Variants in ZNF230 observed in about 807,000 individuals in gnomAD.
The protein encoded by ZNF230 is zinc finger protein FDZF2.
A neutral mutation model predicts 10.0 loss-of-function variants in ZNF230; 12 were observed. The ratio of observed to expected loss-of-function variants is 1.20; its 90% CI spans 0.77 to 1.95. The LOEUF (loss-of-function observed/expected upper bound fraction) is 1.95. Ranked by LOEUF, ZNF230 falls within the 30% of genes most tolerant of loss-of-function variation. The pLI is 0.00. For missense variants in ZNF230, 532 were observed against 565.8 expected (o/e 0.94, Z 0.61); for synonymous variants, 174 against 193.6 (o/e 0.90, Z 0.84).
chr19:44,004,736 A>AC (rs1976106630), intron 1 of ZNF230: 1 of 151,572 alleles, frequency 6.6e-6, no homozygotes, highest in South Asian at 2.1e-4. Flanking sequence ...AAAAAAAAAA[A>AC]AAAAAAAAAG....
At chr19:44,007,515 C>G (rs1976134704) in intron 2 of ZNF230, among the ~76,000 whole-genome samples, 1 of 152,152 alleles carries the variant, frequency 6.6e-6, no homozygotes, top group Admixed American at 6.5e-5. Context: ...GTCCCCCTTT[C>G]TGTGGAGGCC....
At position 44,013,231 on chromosome 19, in the gene ZNF230, C is replaced by A. The variant is rs1234446520; in HGVS notation, c.*1767C>A. The stretch of plus-strand genomic sequence containing the variant: ...TCAAACAACTCAGGTAGAAGCTATG[C>A]CAATTTGACAATTTTTGGAAACCTA... On this transcript the variant is annotated 3_prime_UTR_variant, in exon 5 of 5. Coordinates refer to ENST00000429154, the MANE Select transcript of ZNF230 (RefSeq NM_006300.4). 6.6e-6 allele frequency: 1 copy of A among 152,124 alleles called. No individual in the cohort carries two copies. The highest frequency in any genetic ancestry group is 6.5e-5 in the Admixed American group (1 of 15,270). 9.4% of individuals were successfully genotyped at this position (152,124 alleles called of 1,614,324 possible). A position where few individuals can be genotyped will look rare whatever the true frequency, so the allele number is the denominator to read the frequency against.
intron 1 of ZNF230, chr19:44,003,743 C>G (rs1568496140): frequency 4.7e-6 from 1 of 214,962 alleles, no homozygotes; most frequent in African/African-American, 2.3e-5. Context: ...GGGCAAATCT[C>G]TATGTGATTG....
At chr19:44,007,232 C>G in intron 2 of ZNF230, 139 bp downstream of exon 2, 1 of 742,704 alleles carries the variant, frequency 1.3e-6, no homozygotes, top group Non-Finnish European at 2.0e-6. Flanking sequence ...TCCTTTGTCT[C>G]TTTTGTGTTG....
rs746621912 is a variant in ZNF230 at position 44,011,246 on chromosome 19, C to G, written c.1207C>G (p.Arg403Gly). ...NCKECGKSFS[R>G]ASSILNHKKL... ...TAAGGAATGTGGGAAGAGCTTTAGC[C>G]GGGCTTCAAGTATTTTGAATCATAA... The change falls in exon 5 of 5, where the codon CGG becomes GGG. Residue 403 changes from arginine (R) to glycine (G), a missense_variant. Arg to Gly is a moderately radical substitution (Grantham distance 125). Coordinates refer to ENST00000429154, the MANE Select transcript of ZNF230 (RefSeq NM_006300.4). 1.2e-6 allele frequency: 2 copies of G among 1,613,928 alleles called. No homozygotes were observed. Among genetic ancestry groups the G allele is most frequent in the African/African-American group, 2.7e-5 (2 of 74,896 alleles).
Position 44,010,307 on chromosome 19 carries a change from T to G in ZNF230, c.268T>G (p.Cys90Gly). 2 of 1,613,494 alleles carry G rather than the reference T, an allele frequency of 1.2e-6. No individual in the cohort carries two copies. Among genetic ancestry groups the G allele is most frequent in the Non-Finnish European group, 1.7e-6 (2 of 1,179,570 alleles). Residue 90 changes from cysteine (C) to glycine (G), a missense_variant, in exon 5 of 5, where the codon TGC (cysteine) becomes GGC (glycine). Transcript: ENST00000429154. ...TIAEAGPHED[C>G]PCQQIWEQTA... is the part of the protein sequence containing the mutation. ...TGCGGAAGCAGGACCACATGAAGAC[T>G]GCCCTTGCCAGCAAATCTGGGAACA... is the stretch of plus-strand genomic sequence containing the variant.
rs199508101 is a variant in ZNF230, at chr19:44,010,875, C to A, written c.836C>A (p.Pro279Gln). 4 of 1,614,044 alleles carry A rather than the reference C, an allele frequency of 2.5e-6. No individual in the cohort carries two copies. In the East Asian group the frequency reaches 8.9e-5, roughly 36 times the overall value. ...KHQIIHTGEK[P>Q]FKCEICGKSF... ...CAGATAATTCATACTGGGGAGAAGC[C>A]GTTCAAATGTGAAATATGTGGTAAG... The change falls in exon 5 of 5, where the codon CCG (proline) becomes CAG (glutamine). Residue 279 changes from proline to glutamine, a missense_variant. Transcript: ENST00000429154.
chr19:44,011,078 T>C lies in ZNF230; in HGVS notation c.1039T>C (p.Trp347Arg). ...NCKECGKSFR[W>R]SSYLLIHQRI... ...TAAAGAATGTGGGAAGAGCTTCAGA[T>C]GGTCCTCATATCTTTTGATCCATCA... The change falls in exon 5 of 5, where the codon TGG becomes CGG. Residue 347 changes from tryptophan to arginine, a missense_variant. Coordinates refer to ENST00000429154, the MANE Select transcript of ZNF230 (RefSeq NM_006300.4). 6.2e-7 allele frequency: 1 copy of C among 1,614,132 alleles called. No homozygotes were observed. Among genetic ancestry groups the C allele is most frequent in the Non-Finnish European group, 8.5e-7 (1 of 1,180,014 alleles).
rs998883637 is a variant in ZNF230, at chr19:44,012,170, G to C, written c.*706G>C. The C allele has an allele frequency of 3.1e-6, 1 of 318,052 alleles. No homozygotes were observed. Among genetic ancestry groups the C allele is most frequent in the African/African-American group, 2.2e-5 (1 of 44,958 alleles). 19.7% of individuals were successfully genotyped at this position (318,052 alleles called of 1,614,324 possible). On this transcript the variant is annotated 3_prime_UTR_variant, in exon 5 of 5. Transcript: ENST00000429154. The stretch of plus-strand genomic sequence containing the variant: ...GAGCAAAACTATGGAAGTGTGGCTA[G>C]GGTGATATGGCTTCATACCACCTCA...
Position 44,011,036 on chromosome 19 carries a change from C to A in ZNF230, c.997C>A (p.Gln333Lys). The change falls in exon 5 of 5, where the codon CAG becomes AAG. Residue 333 changes from glutamine to lysine, a missense_variant. Coordinates refer to ENST00000429154, the MANE Select transcript of ZNF230 (RefSeq NM_006300.4). ...LHKHQIIHTG[Q>K]KPYNCKECGK... Reference sequence around the variant, plus strand: ...TAAGCATCAGATAATTCACACAGGACAGAAACCGTACAATTGTAAAGAATG... The same window carrying A: ...TAAGCATCAGATAATTCACACAGGAAAGAAACCGTACAATTGTAAAGAATG... 6.2e-7 allele frequency: 1 copy of A among 1,614,164 alleles called. No homozygotes were observed. Among genetic ancestry groups the A allele is most frequent in the Non-Finnish European group, 8.5e-7 (1 of 1,180,010 alleles).
In ZNF230 at chr19:44,002,992, T is replaced by C. The variant is rs186200280; in HGVS notation, c.-184T>C. 1 of 152,306 alleles carries C rather than the reference T, an allele frequency of 6.6e-6. No homozygotes were observed. Among genetic ancestry groups the C allele is most frequent in the African/African-American group, 2.4e-5 (1 of 41,552 alleles). 9.4% of individuals were successfully genotyped at this position (152,306 alleles called of 1,614,324 possible). A position where few individuals can be genotyped will look rare whatever the true frequency, so the allele number is the denominator to read the frequency against. ...GCGGTTGCTACATAACCGCGTAGTT[T>C]GAGCCATTTCTGCGTCTGGCGGGTC... On this transcript the variant is annotated 5_prime_UTR_variant, in exon 1 of 5. Transcript: ENST00000429154.
chr19:44,009,313 C>T, intron 4 of ZNF230, 143 bp downstream of exon 4: 1 of 876,470 alleles, frequency 1.1e-6, no homozygotes, highest in Non-Finnish European at 1.7e-6. Context: ...GGCTGGTGGT[C>T]CTGTTCCCTC....
chr19:44,008,638 T>G, intron 2 of ZNF230, 152 bp from the exon 3 acceptor site: 1 of 959,622 alleles, frequency 1.0e-6, no homozygotes. Flanking sequence ...GCACTTCTGG[T>G]GGAGCTCAGG....
At chr19:44,007,637 C>T (rs866704139) in intron 2 of ZNF230, among the ~76,000 whole-genome samples, 1 of 152,142 alleles carries the variant, frequency 6.6e-6, no homozygotes, top group Non-Finnish European at 1.5e-5. Flanking sequence ...TTTAAGGTGT[C>T]GCAATCAGCG....
At position 44,007,042 on chromosome 19, in the gene ZNF230, C is replaced by T; in HGVS notation, c.-37C>T. ...TTCCACCTTCCTTTGTGCTCCATTA[C>T]TCAAGACACTGAAGACTCCAAAAAG... On this transcript the variant is annotated 5_prime_UTR_variant, in exon 2 of 5. Transcript: ENST00000429154. 6.3e-7 allele frequency: 1 copy of T among 1,575,890 alleles called. No individual in the cohort carries two copies. Among genetic ancestry groups the T allele is most frequent in the Non-Finnish European group, 8.7e-7 (1 of 1,146,534 alleles).
Position 44,013,363 on chromosome 19 carries a change from C to T in ZNF230, c.*1899C>T, listed in dbSNP as rs563238040. 1.3e-5 allele frequency: 2 copies of T among 152,268 alleles called. No homozygotes were observed. Among genetic ancestry groups the T allele is most frequent in the African/African-American group, 4.8e-5 (2 of 41,554 alleles). 9.4% of individuals were successfully genotyped at this position (152,268 alleles called of 1,614,324 possible). On this transcript the variant is annotated 3_prime_UTR_variant, in exon 5 of 5. Transcript: ENST00000429154. Reference sequence around the variant, plus strand: ...TTGGGGTAGGAGTGACATTTACATGCTCTTCTTTATTGTTGGCAGTAAAAA... The same window carrying T: ...TTGGGGTAGGAGTGACATTTACATGTTCTTCTTTATTGTTGGCAGTAAAAA...
rs189876653 is a variant in ZNF230, at chr19:44,012,816, G to T, written c.*1352G>T. The T allele has an allele frequency of 3.7e-5, 7 of 191,038 alleles. No homozygotes were observed. The East Asian group carries it at 1.2e-3, about 33-fold the overall frequency. The allele number at this position is 191,038 out of a possible 1,614,324, so 11.8% of individuals were successfully genotyped here. A position where few individuals can be genotyped will look rare whatever the true frequency, so the allele number is the denominator to read the frequency against. On this transcript the variant is annotated 3_prime_UTR_variant, in exon 5 of 5. Transcript: ENST00000429154. ...CGAGTTAAAATGCAGAATACACTCA[G>T]TTCTGCAATCCAAAGCATTATTTTG...
In ZNF230 at chr19:44,011,260, T is replaced by C. The variant is rs143042237; in HGVS notation, c.1221T>C (p.Ile407=). The change falls in exon 5 of 5, where the codon ATT becomes ATC. Residue 407 remains isoleucine, a synonymous_variant. Transcript: ENST00000429154. ...AGAGCTTTAGCCGGGCTTCAAGTAT[T>C]TTGAATCATAAGAAACTCCACTGCC... The part of the protein sequence containing the change: ...CGKSFSRASS[I]LNHKKLHCRK... The C allele has an allele frequency of 6.2e-7, 1 of 1,614,092 alleles. No individual in the cohort carries two copies. Among genetic ancestry groups the C allele is most frequent in the Admixed American group, 1.7e-5 (1 of 60,016 alleles).
Position 44,012,254 on chromosome 19 carries a change from G to T in ZNF230, c.*790G>T. 2.5e-6 allele frequency: 1 copy of T among 396,950 alleles called. No homozygotes were observed. The allele number at this position is 396,950 out of a possible 1,614,324, so 24.6% of individuals were successfully genotyped here. The stretch of plus-strand genomic sequence containing the variant: ...CGTTGGACAGAATCCTTAGTAATGA[G>T]GTGTGTGATAAAGTCTCTGCTCAGT... On this transcript the variant is annotated 3_prime_UTR_variant, in exon 5 of 5. Transcript: ENST00000429154.
Sources: allele counts gnomAD v4.1 joint callset (sites outside exome capture counted in the v4.1 genomes callset), GRCh38; gene constraint gnomAD v4.1.1; transcripts MANE v1.5; gene names NCBI Gene and HGNC (gene_info 2026-07-23, HGNC 2026-07-21).